DIP2B: variants seen among roughly 807,000 people sequenced by gnomAD.
DIP2B encodes disco-interacting protein 2 homolog B.
A neutral mutation model predicts 198.0 loss-of-function variants in DIP2B; 76 were observed. The observed-to-expected ratio is 0.38, with a 90% CI of 0.32 to 0.46. The LOEUF is 0.46. Ranked by LOEUF, DIP2B falls within the 20% of genes least tolerant of loss-of-function variation. The probability of loss-of-function intolerance (pLI) is 0.99; values close to 1 mark genes in which losing one functional copy is unlikely to be tolerated. For missense variants in DIP2B, 1,559 were observed against 1,978.4 expected (o/e 0.79, Z 4.02); for synonymous variants, 701 against 739.1 (o/e 0.95, Z 0.84).
chr12:50,699,778 C>A (rs1939384821), intron 19 of DIP2B, among the ~76,000 whole-genome samples: 1 of 151,618 alleles, frequency 6.6e-6, no homozygotes, highest in African/African-American at 2.4e-5. Context: ...CAGGAGGATC[C>A]CTTGAGCCCA....
chr12:50,654,154 G>A (rs1231490137), intron 3 of DIP2B, among the ~76,000 whole-genome samples: 1 of 152,104 alleles, frequency 6.6e-6, no homozygotes, highest in Admixed American at 6.6e-5. Flanking sequence ...GATTACAAGC[G>A]TGAACCACCA....
chr12:50,695,876 C>T lies in DIP2B; in HGVS notation c.1842C>T (p.Asp614=), dbSNP rs780535650. Residue 614 remains aspartate (D), a synonymous_variant, in exon 16 of 38, where the codon GAC becomes GAT. Transcript: ENST00000301180. ...KAKVALVKCR[D]LHWAMMAHRD... ...AGGTAGCTTTAGTAAAATGTCGGGA[C>T]TTGCACTGGGCTATGATGGCACATC... The T allele has an allele frequency of 1.2e-6, 2 of 1,613,934 alleles. No homozygotes were observed. The highest frequency in any genetic ancestry group is 1.3e-5 in the African/African-American group (1 of 74,908).
In DIP2B at chr12:50,748,512, T is replaced by C. The variant is rs1242409074; in HGVS notation, c.*3673T>C. ...TACCCGTGTCAAATTCAAACTACAG[T>C]ACTGTGTAATTATGTATAAAGTTTT... On this transcript the variant is annotated 3_prime_UTR_variant, in exon 38 of 38. Coordinates refer to ENST00000301180, the MANE Select transcript of DIP2B (RefSeq NM_173602.3). 1 of 152,714 alleles carries C rather than the reference T, an allele frequency of 6.5e-6. No homozygotes were observed. Among genetic ancestry groups the C allele is most frequent in the East Asian group, 1.9e-4 (1 of 5,206 alleles). The allele number at this position is 152,714 out of a possible 1,614,324, so 9.5% of individuals were successfully genotyped here.
At chr12:50,536,648 A>G (rs1336573125) in intron 1 of DIP2B, among the ~76,000 whole-genome samples, 2 of 151,138 alleles carry the variant, frequency 1.3e-5, no homozygotes, top group African/African-American at 4.9e-5. Flanking sequence ...GCTCACTGCA[A>G]CCTCCCTCTT....
intron 4 of DIP2B, among the ~76,000 whole-genome samples, chr12:50,661,594 A>G (rs1938648759): frequency 6.6e-6 from 1 of 152,210 alleles, no homozygotes; most frequent in African/African-American, 2.4e-5. Context: ...TATCACAGTA[A>G]GACAGTTTGT....
At chr12:50,559,858 G>T (rs774483784) in intron 1 of DIP2B, among the ~76,000 whole-genome samples, 1 of 152,172 alleles carries the variant, frequency 6.6e-6, no homozygotes, top group Non-Finnish European at 1.5e-5. Context: ...TTGTAGAGGG[G>T]TGAAATGTAG....
intron 1 of DIP2B, among the ~76,000 whole-genome samples, chr12:50,622,030 T>C (rs1435219468): frequency 1.3e-5 from 2 of 152,310 alleles, no homozygotes; most frequent in Non-Finnish European, 2.9e-5. Flanking sequence ...ACTTAAGCAC[T>C]GAAGAAAGCT....
At chr12:50,516,795 C>T (rs904416938) in intron 1 of DIP2B, among the ~76,000 whole-genome samples, 33 of 151,892 alleles carry the variant, frequency 2.2e-4, no homozygotes, top group African/African-American at 7.2e-4. Context: ...GCCAACATGG[C>T]GAAACCCTAT....
chr12:50,714,331 A>G (rs1939673548), intron 22 of DIP2B, 64 bp from the exon 23 acceptor site: 4 of 1,588,248 alleles, frequency 2.5e-6, no homozygotes, highest in Non-Finnish European at 2.6e-6. Flanking sequence ...AATGGATTAT[A>G]CCAGGAATAT....
At chr12:50,648,957 A>G (rs951591) in intron 3 of DIP2B, among the ~76,000 whole-genome samples, 9,527 of 152,264 alleles carry the variant, frequency 0.063, 664 homozygotes, top group East Asian at 0.32. Flanking sequence ...ACCTTAACAT[A>G]TGCAAATAAT....
chr12:50,649,175 A>G (rs1268654101), intron 3 of DIP2B, among the ~76,000 whole-genome samples: 1 of 152,230 alleles, frequency 6.6e-6, no homozygotes, highest in Non-Finnish European at 1.5e-5. Flanking sequence ...AGGTCTGTCT[A>G]AATTACTTTA....
chr12:50,744,678 A>G lies in DIP2B; in HGVS notation c.4570A>G (p.Asn1524Asp). 1.9e-6 allele frequency: 3 copies of G among 1,614,230 alleles called. No homozygotes were observed. The highest frequency in any genetic ancestry group is 2.5e-6 in the Non-Finnish European group (3 of 1,180,048). Reference sequence around the variant, plus strand: ...CCTAGATCTGGTCCCATTAGTGACCAACGTGGTCCTGGAAGAGCATTACCT... The same window carrying G: ...CCTAGATCTGGTCCCATTAGTGACCGACGTGGTCCTGGAAGAGCATTACCT... ...EALDLVPLVTNVVLEEHYLIV... is the reference protein window; with the variant it reads ...EALDLVPLVTDVVLEEHYLIV... Residue 1524 changes from asparagine (N) to aspartate (D), a missense_variant, in exon 38 of 38, where the codon AAC becomes GAC. Physicochemically the swap from Asn to Asp is conservative, Grantham distance 23. Transcript: ENST00000301180.
At chr12:50,728,218 A>G (rs1408214423) in intron 29 of DIP2B, among the ~76,000 whole-genome samples, 1 of 152,146 alleles carries the variant, frequency 6.6e-6, no homozygotes, top group Non-Finnish European at 1.5e-5. Flanking sequence ...CGTCTCTACT[A>G]AAAATAGAAA....
intron 1 of DIP2B, among the ~76,000 whole-genome samples, chr12:50,604,416 G>C (rs1312491608): frequency 1.3e-5 from 2 of 152,040 alleles, no homozygotes; most frequent in Non-Finnish European, 2.9e-5. Context: ...ACTTTTTTGT[G>C]GCTGACCTTT....
At chr12:50,641,056 A>G (rs1207424904) in intron 3 of DIP2B, among the ~76,000 whole-genome samples, 1 of 152,208 alleles carries the variant, frequency 6.6e-6, no homozygotes, top group African/African-American at 2.4e-5. Flanking sequence ...GAAATGGAAC[A>G]GCACATAAGA....
intron 37 of DIP2B, among the ~76,000 whole-genome samples, chr12:50,742,003 T>C (rs2139609369): frequency 6.6e-6 from 1 of 152,310 alleles, no homozygotes; most frequent in African/African-American, 2.4e-5. Context: ...GGGTAGTTGA[T>C]ATTATCTCAT....
In DIP2B at chr12:50,675,411, G is replaced by A. The variant is rs1038936669; in HGVS notation, c.879G>A (p.Lys293=). The change falls in exon 7 of 38, where the codon AAG becomes AAA. Residue 293 remains lysine (K), a synonymous_variant. Coordinates refer to ENST00000301180, the MANE Select transcript of DIP2B (RefSeq NM_173602.3). ...AACGACCCAAAAGGCCTCCCTTAAA[G>A]GAATTTTTTGTGGATGACTCTGAAG... is the stretch of plus-strand genomic sequence containing the variant. ...TLKRPKRPPL[K]EFFVDDSEEI... is the part of the protein sequence containing the mutation. 6.2e-7 allele frequency: 1 copy of A among 1,613,834 alleles called. No homozygotes were observed. The highest frequency in any genetic ancestry group is 8.5e-7 in the Non-Finnish European group (1 of 1,179,874).
chr12:50,674,544 A>G lies in DIP2B; in HGVS notation c.711A>G (p.Pro237=). Residue 237 remains proline, a synonymous_variant, in exon 6 of 38, where the codon CCA becomes CCG. Transcript: ENST00000301180. ...SSSSSSSSIR[P]ANIDLPPSGI... ...CCTCATCATCTTCCTCAATTCGCCC[A>G]GCAAACATTGACCTGCCCCCCTCGG... 6.2e-7 allele frequency: 1 copy of G among 1,614,232 alleles called. No individual in the cohort carries two copies. Among genetic ancestry groups the G allele is most frequent in the Non-Finnish European group, 8.5e-7 (1 of 1,180,034 alleles).
Position 50,578,600 on chromosome 12 carries a change from C to T in DIP2B, c.101-47376C>T, listed in dbSNP as rs544683353. 3.0e-3 allele frequency among the ~76,000 whole-genome samples: 448 copies of T among 151,186 alleles called. 5 individuals are homozygous for T. The highest frequency in any genetic ancestry group is 0.01 in the African/African-American group (419 of 41,186). Reference sequence around the variant, plus strand: ...TCGGCTCACTGCAAGCTCGGCCTCCCGGGTTCATGCCATTCTCCTGCCTCA... The same window carrying T: ...TCGGCTCACTGCAAGCTCGGCCTCCTGGGTTCATGCCATTCTCCTGCCTCA... On this transcript the variant is annotated intron_variant, in intron 1 of 37. Transcript: ENST00000301180.
Sources: allele counts gnomAD v4.1 joint callset (sites outside exome capture counted in the v4.1 genomes callset), GRCh38; gene constraint gnomAD v4.1.1; transcripts MANE v1.5; gene names NCBI Gene and HGNC (gene_info 2026-07-23, HGNC 2026-07-21).